NAALADL2: variants seen among roughly 807,000 people sequenced by gnomAD.
NAALADL2 encodes inactive N-acetylated-alpha-linked acidic dipeptidase-like protein 2.
A neutral mutation model predicts 87.2 loss-of-function variants in NAALADL2; 76 were observed. The ratio of observed to expected loss-of-function variants is 0.87; its 90% CI spans 0.72 to 1.05. NAALADL2 has a LOEUF of 1.05. Among genes scored for constraint, NAALADL2 ranks in the 50% least tolerant of loss-of-function variants. The pLI is 0.00. For synonymous variants in NAALADL2, 354 were observed against 331.0 expected (o/e 1.07, Z -0.75); for missense variants, 1,089 against 945.8 (o/e 1.15, Z -1.99).
chr3:174,990,539 G>A (rs902807615), intron 1 of NAALADL2, among the ~76,000 whole-genome samples: 1 of 152,046 alleles, frequency 6.6e-6, no homozygotes, highest in Non-Finnish European at 1.5e-5. Context: ...TTTTTTGAAG[G>A]TGGTTTTAAA....
At chr3:175,073,323 C>G (rs1410726736) in intron 1 of NAALADL2, among the ~76,000 whole-genome samples, 1 of 151,988 alleles carries the variant, frequency 6.6e-6, no homozygotes, top group East Asian at 1.9e-4. Flanking sequence ...ATTTGGCCCT[C>G]TAACAAAGAA....
At chr3:175,159,541 T>C (rs1352608467) in intron 2 of NAALADL2, among the ~76,000 whole-genome samples, 2 of 152,168 alleles carry the variant, frequency 1.3e-5, no homozygotes, top group Non-Finnish European at 2.9e-5. Flanking sequence ...TTGTAATCTC[T>C]CAATATTTTC....
At chr3:174,836,979 A>G (rs982570960) in intron 3 of NAALADL2, among the ~76,000 whole-genome samples, 2 of 152,112 alleles carry the variant, frequency 1.3e-5, no homozygotes, top group African/African-American at 2.4e-5. Flanking sequence ...GCCACAACCT[A>G]TCTCTGGCAT....
At chr3:175,072,688 C>CG (rs1417526210) in intron 1 of NAALADL2, among the ~76,000 whole-genome samples, 1 of 84,422 alleles carries the variant, frequency 1.2e-5, no homozygotes, top group African/African-American at 5.0e-5. Flanking sequence ...TATTGAAAAA[C>CG]GGGGTGGGGG....
intron 2 of NAALADL2, among the ~76,000 whole-genome samples, chr3:174,715,221 A>G (rs1177144832): frequency 6.6e-6 from 1 of 152,012 alleles, no homozygotes; most frequent in Non-Finnish European, 1.5e-5. Flanking sequence ...CCTTCCAACT[A>G]TTTTTTTAGG....
intron 5 of NAALADL2, among the ~76,000 whole-genome samples, chr3:175,440,747 CTT>C (rs1719589307): frequency 6.6e-6 from 1 of 152,120 alleles, no homozygotes; most frequent in South Asian, 2.1e-4. Flanking sequence ...AATCCTGAAA[CTT>C]TGCTGAATTC....
intron 3 of NAALADL2, among the ~76,000 whole-genome samples, chr3:174,819,058 CTTTTTTTTTTT>C (rs3040106): frequency 2.7e-4 from 13 of 47,544 alleles, no homozygotes; most frequent in East Asian, 1.5e-3. Context: ...ACCATTTATT[CTTTTTTTTTTT>C]TTTTTTTTTT....
At chr3:175,168,386 A>G (rs1560112691) in intron 2 of NAALADL2, among the ~76,000 whole-genome samples, 1 of 151,854 alleles carries the variant, frequency 6.6e-6, no homozygotes, top group Non-Finnish European at 1.5e-5. Context: ...GCATTCTTCC[A>G]TAGGAGACTT....
chr3:175,002,254 A>G (rs1748352665), intron 1 of NAALADL2, among the ~76,000 whole-genome samples: 2 of 152,200 alleles, frequency 1.3e-5, no homozygotes, highest in South Asian at 4.1e-4. Context: ...GAAAAAGAAG[A>G]AGCATTTGTT....
At position 175,280,926 on chromosome 3, in the gene NAALADL2, C is replaced by T. The variant is rs573760301; in HGVS notation, c.939+24396C>T. On this transcript the variant is annotated intron_variant, in intron 4 of 13. Transcript: ENST00000454872. ...AAGCAATTTTAATCTGTTTTCTTTA[C>T]ATTGATGAAGAAAAATGTCTCTCCA... Among the ~76,000 whole-genome samples, 13 of 151,902 alleles carry T rather than the reference C, an allele frequency of 8.6e-5. No homozygotes were observed. The South Asian group carries it at 2.7e-3, about 32-fold the overall frequency.
At chr3:175,312,727 A>G (rs1241348184) in intron 4 of NAALADL2, among the ~76,000 whole-genome samples, 2 of 152,148 alleles carry the variant, frequency 1.3e-5, no homozygotes, top group East Asian at 1.9e-4. Flanking sequence ...ATGAAGCACA[A>G]TTTCAGTGAC....
chr3:175,434,436 T>A (rs1417609173), intron 5 of NAALADL2, among the ~76,000 whole-genome samples: 2 of 152,008 alleles, frequency 1.3e-5, no homozygotes, highest in African/African-American at 4.8e-5. Flanking sequence ...ATCTGAGAAG[T>A]ACTTCATATA....
chr3:175,608,808 A>G (rs1243326179), intron 10 of NAALADL2, among the ~76,000 whole-genome samples: 1 of 152,188 alleles, frequency 6.6e-6, no homozygotes, highest in Non-Finnish European at 1.5e-5. Flanking sequence ...TCCGAGTGGT[A>G]TCATAATTGA....
intron 1 of NAALADL2, among the ~76,000 whole-genome samples, chr3:174,524,668 C>T (rs999790405): frequency 1.1e-4 from 16 of 151,694 alleles, no homozygotes; most frequent in African/African-American, 3.6e-4. Context: ...CCTCAGCCTC[C>T]TACTGGGCAG....
At chr3:174,508,847 A>G (rs73881202) in intron 1 of NAALADL2, among the ~76,000 whole-genome samples, 4,782 of 152,260 alleles carry the variant, frequency 0.031, 240 homozygotes, top group African/African-American at 0.11. Context: ...TCCCGAGTTT[A>G]ACACCAGCAT....
intron 1 of NAALADL2, among the ~76,000 whole-genome samples, chr3:174,997,060 T>TATATA (rs200823434): frequency 7.6e-6 from 1 of 130,722 alleles, no homozygotes; most frequent in Admixed American, 7.5e-5. Flanking sequence ...ATATATATAT[T>TATATA]TTTTTTTTTA....
At chr3:174,587,016 A>G (rs1346744219) in intron 2 of NAALADL2, among the ~76,000 whole-genome samples, 2 of 129,190 alleles carry the variant, frequency 1.5e-5, no homozygotes. Context: ...CTGGTGTGTG[A>G]TGTACTCCAC....
At chr3:175,368,075 A>C (rs1163175498) in intron 5 of NAALADL2, among the ~76,000 whole-genome samples, 1 of 152,108 alleles carries the variant, frequency 6.6e-6, no homozygotes, top group Non-Finnish European at 1.5e-5. Context: ...AGCGTTGTTG[A>C]ATTTTGTCAA....
chr3:174,881,186 C>A (rs1729146570), intron 1 of NAALADL2, among the ~76,000 whole-genome samples: 1 of 152,096 alleles, frequency 6.6e-6, no homozygotes, highest in African/African-American at 2.4e-5. Flanking sequence ...AGCTGCCATT[C>A]AAACCATATC....
Sources: gnomAD v4.1 joint callset for allele counts (sites outside exome capture counted in the v4.1 genomes callset) on GRCh38, gnomAD v4.1.1 for gene constraint, MANE v1.5 for transcripts, NCBI Gene and HGNC (gene_info 2026-07-23, HGNC 2026-07-21) for gene names.